FGD4: variants seen among roughly 807,000 people sequenced by gnomAD.
The protein encoded by FGD4 is FYVE, RhoGEF and PH domain-containing protein 4.
A neutral mutation model predicts 102.0 loss-of-function variants in FGD4; 42 were observed. The ratio of observed to expected loss-of-function variants is 0.41; its 90% CI spans 0.32 to 0.53. The LOEUF (loss-of-function observed/expected upper bound fraction) is 0.53. Ranked by LOEUF, FGD4 falls within the 20% of genes least tolerant of loss-of-function variation. FGD4 has a pLI of 0.21. For missense variants in FGD4, 902 were observed against 1,078.2 expected (o/e 0.84, Z 2.29); for synonymous variants, 380 against 375.7 (o/e 1.01, Z -0.13).
At position 32,429,891 on chromosome 12, in the gene FGD4, G is replaced by T. The variant is rs149673343; in HGVS notation, c.166+29932G>T. 7.2e-5 allele frequency among the ~76,000 whole-genome samples: 11 copies of T among 152,110 alleles called. No individual in the cohort carries two copies. The East Asian group carries it at 1.9e-3, about 27-fold the overall frequency. ...GCCTGCTTCTTACCATGTTTTATCAGCAAGGTCTTTGTGACCTGCATCTTG... is the reference window on the plus strand; with the variant it reads ...GCCTGCTTCTTACCATGTTTTATCATCAAGGTCTTTGTGACCTGCATCTTG... On this transcript the variant is annotated intron_variant, in intron 1 of 16. Transcript: ENST00000534526.
At position 32,580,790 on chromosome 12, in the gene FGD4, G is replaced by A. The variant is rs542727578; in HGVS notation, c.504-1170G>A. On this transcript the variant is annotated intron_variant, in intron 3 of 16. Coordinates refer to ENST00000534526, the MANE Select transcript of FGD4 (RefSeq NM_001370298.3). ...TAGTCCCAGCTACTCGGGAGGCTGAGGCAGGAGAATGGTGTGAACCCGGGA... is the reference window on the plus strand; with the variant it reads ...TAGTCCCAGCTACTCGGGAGGCTGAAGCAGGAGAATGGTGTGAACCCGGGA... Among the ~76,000 whole-genome samples the A allele has an allele frequency of 1.7e-3, 262 of 152,044 alleles. 2 individuals are homozygous for A. The highest frequency in any genetic ancestry group is 1.9e-3 in the Non-Finnish European group (129 of 67,992).
chr12:32,466,777 A>G (rs1298200821), intron 1 of FGD4, among the ~76,000 whole-genome samples: 1 of 151,498 alleles, frequency 6.6e-6, no homozygotes, highest in Non-Finnish European at 1.5e-5. Context: ...CTGAAACAGG[A>G]AAATCACTTG....
In FGD4 at chr12:32,564,274, A is replaced by G; in HGVS notation, c.304A>G (p.Ser102Gly). The G allele has an allele frequency of 6.5e-7, 1 of 1,536,090 alleles. No individual in the cohort carries two copies. Among genetic ancestry groups the G allele is most frequent in the Non-Finnish European group, 8.7e-7 (1 of 1,146,884 alleles). Residue 102 changes from serine to glycine, a missense_variant, in exon 2 of 17, where the codon AGT becomes GGT. Ser to Gly is a moderately conservative substitution (Grantham distance 56). Transcript: ENST00000534526. ...GNRPAKHSAA[S>G]PKPQVPPKPL... ...CAGGCCAGCAAAACACTCAGCTGCA[A>G]GTCCAAAGCCACAAGGTATGCTCAC...
chr12:32,453,215 TATATAATATAGA>T (rs1269881150), intron 1 of FGD4, among the ~76,000 whole-genome samples: 8 of 49,866 alleles, frequency 1.6e-4, no homozygotes, highest in Non-Finnish European at 3.1e-4. Context: ...TATATATATA[TATATAATATAGA>T]TATATATATA....
At chr12:32,480,779 G>T (rs10844215) in intron 1 of FGD4, among the ~76,000 whole-genome samples, 3 of 149,400 alleles carry the variant, frequency 2.0e-5, no homozygotes, top group Admixed American at 6.6e-5. Flanking sequence ...GATTACAGGC[G>T]TGAGCCACCA....
Position 32,500,392 on chromosome 12 carries a change from T to TTTTTATTTTATTTTA in FGD4, c.167-63700_167-63686dup, listed in dbSNP as rs56752650. ...GTCTTTCTGACCTTATTTTATTTTA[T>TTTTTATTTTATTTTA]TTTTATTTTATTTTATTTTATTTTA... On this transcript the variant is annotated intron_variant, in intron 1 of 16. Transcript: ENST00000534526. 6.3e-3 allele frequency among the ~76,000 whole-genome samples: 853 copies of TTTTTATTTTATTTTA among 135,306 alleles called. 5 individuals carry two copies. The highest frequency in any genetic ancestry group is 9.6e-3 in the South Asian group (38 of 3,948). The allele number at this position is 135,306 out of a possible 152,430, so 88.8% of individuals were successfully genotyped here.
At chr12:32,525,813 C>T (rs544867442) in intron 1 of FGD4, among the ~76,000 whole-genome samples, 1 of 152,248 alleles carries the variant, frequency 6.6e-6, no homozygotes, top group Non-Finnish European at 1.5e-5. Context: ...GACTTAGCAC[C>T]CGGGCCAGTG....
chr12:32,480,752 G>A (rs1360170537), intron 1 of FGD4, among the ~76,000 whole-genome samples: 4 of 149,758 alleles, frequency 2.7e-5, no homozygotes, highest in Admixed American at 2.0e-4. Context: ...GCCCTCCTTG[G>A]CCCCCCAAAG....
chr12:32,592,059 G>T (rs967995170), intron 4 of FGD4, among the ~76,000 whole-genome samples: 1 of 152,012 alleles, frequency 6.6e-6, no homozygotes, highest in Admixed American at 6.6e-5. Context: ...GTATGTATTT[G>T]TAAGGTAAAA....
intron 1 of FGD4, among the ~76,000 whole-genome samples, chr12:32,496,257 G>A (rs1182044967): frequency 6.6e-6 from 1 of 152,088 alleles, no homozygotes; most frequent in Admixed American, 6.6e-5. Flanking sequence ...TTCAGCATCG[G>A]GTTTTATCAG....
chr12:32,515,885 G>T (rs1020482099), intron 1 of FGD4, among the ~76,000 whole-genome samples: 2 of 152,176 alleles, frequency 1.3e-5, no homozygotes, highest in Non-Finnish European at 2.9e-5. Context: ...AGGATAAATT[G>T]AAAACTATGG....
intron 5 of FGD4, among the ~76,000 whole-genome samples, chr12:32,599,534 CTTTTTTTTT>C (rs764106230): frequency 8.5e-5 from 3 of 35,354 alleles, no homozygotes; most frequent in Non-Finnish European, 1.4e-4. Flanking sequence ...ACTAAGGCAT[CTTTTTTTTT>C]TTTTTTTTTT....
intron 3 of FGD4, among the ~76,000 whole-genome samples, chr12:32,577,597 G>A (rs1433190520): frequency 1.3e-5 from 2 of 152,190 alleles, no homozygotes; most frequent in East Asian, 3.8e-4. Flanking sequence ...CTGGAGAGAA[G>A]CCTGTCTTCA....
At chr12:32,598,611 T>A (rs753077374) in intron 5 of FGD4, 25 bp downstream of exon 5, 16 of 1,580,858 alleles carry the variant, frequency 1.0e-5, no homozygotes, top group Non-Finnish European at 1.2e-5. Context: ...CTCAGAATTA[T>A]TTTATATTTT....
At chr12:32,433,731 G>A (rs1442420933) in intron 1 of FGD4, among the ~76,000 whole-genome samples, 1 of 152,118 alleles carries the variant, frequency 6.6e-6, no homozygotes. Flanking sequence ...CCATATCACT[G>A]TTAATTGTTG....
At chr12:32,529,190 C>A (rs11052052) in intron 1 of FGD4, among the ~76,000 whole-genome samples, 37,454 of 152,044 alleles carry the variant, frequency 0.25, 5,349 homozygotes, top group Middle Eastern at 0.44. Context: ...TCTTGGCTCA[C>A]TGCAACCTCC....
chr12:32,601,659 C>A (rs1948435968), intron 6 of FGD4, among the ~76,000 whole-genome samples: 1 of 152,192 alleles, frequency 6.6e-6, no homozygotes, highest in Admixed American at 6.5e-5. Context: ...AATTCCGGAG[C>A]ATCTCTCTTT....
At chr12:32,620,896 C>T (rs1249460391) in intron 11 of FGD4, among the ~76,000 whole-genome samples, 1 of 151,544 alleles carries the variant, frequency 6.6e-6, no homozygotes. Flanking sequence ...CTCCTGACCT[C>T]AGGTGATCTG....
At chr12:32,606,994 TTTATCATAGCC>T (rs1401369528) in intron 7 of FGD4, among the ~76,000 whole-genome samples, 2 of 152,218 alleles carry the variant, frequency 1.3e-5, no homozygotes, top group African/African-American at 4.8e-5. Flanking sequence ...GGCAATGACA[TTTATCATAGCC>T]TTATTATCAA....
Sources: allele counts gnomAD v4.1 joint callset (sites outside exome capture counted in the v4.1 genomes callset), GRCh38; gene constraint gnomAD v4.1.1; transcripts MANE v1.5; gene names NCBI Gene and HGNC (gene_info 2026-07-23, HGNC 2026-07-21).